Variants in ANKRD55 observed in about 807,000 individuals in gnomAD.
ANKRD55 encodes ankyrin repeat domain 55.
A neutral mutation model predicts 60.6 loss-of-function variants in ANKRD55; 41 were observed. The observed-to-expected ratio is 0.68, with a 90% CI of 0.53 to 0.88. The LOEUF (loss-of-function observed/expected upper bound fraction) is 0.88. Among genes scored for constraint, ANKRD55 ranks in the 40% least tolerant of loss-of-function variants. The probability of loss-of-function intolerance (pLI) is 0.00; values close to 1 mark genes in which losing one functional copy is unlikely to be tolerated. For synonymous variants in ANKRD55, 264 were observed against 290.3 expected (o/e 0.91, Z 0.92); for missense variants, 732 against 767.6 (o/e 0.95, Z 0.55).
chr5:56,127,264 C>T (rs1341546374), intron 7 of ANKRD55, 158 bp from the exon 8 acceptor site: 1 of 981,810 alleles, frequency 1.0e-6, no homozygotes, highest in Non-Finnish European at 1.2e-6. Flanking sequence ...AATAAAAATA[C>T]ACTCTATCTA....
intron 2 of ANKRD55, among the ~76,000 whole-genome samples, chr5:56,186,199 G>A (rs560058246): frequency 1.9e-4 from 29 of 152,222 alleles, no homozygotes; most frequent in Admixed American, 7.8e-4. Flanking sequence ...ACAGGGTCTC[G>A]TTGGGTCACC....
chr5:56,189,343 C>T (rs1759041786), intron 2 of ANKRD55, among the ~76,000 whole-genome samples: 1 of 150,246 alleles, frequency 6.7e-6, no homozygotes, highest in African/African-American at 2.4e-5. Flanking sequence ...GTAAAAGATA[C>T]ATAAAATTTA....
At chr5:56,195,589 G>A (rs773875881) in intron 2 of ANKRD55, among the ~76,000 whole-genome samples, 20 of 152,186 alleles carry the variant, frequency 1.3e-4, no homozygotes, top group Middle Eastern at 3.4e-3. Flanking sequence ...GATTACAGGC[G>A]TGTGCCACCA....
chr5:56,178,061 A>G (rs1758775287), intron 3 of ANKRD55, among the ~76,000 whole-genome samples: 1 of 152,354 alleles, frequency 6.6e-6, no homozygotes, highest in East Asian at 1.9e-4. Context: ...TATAATTCGA[A>G]GTGGAAGGAA....
chr5:56,210,455 A>G (rs1028359588), intron 2 of ANKRD55, among the ~76,000 whole-genome samples: 3 of 149,494 alleles, frequency 2.0e-5, no homozygotes, highest in South Asian at 2.2e-4. Flanking sequence ...CCAGCTACTC[A>G]GGAGGCTGAG....
At chr5:56,115,623 G>A (rs1414373601) in intron 9 of ANKRD55, among the ~76,000 whole-genome samples, 1 of 151,894 alleles carries the variant, frequency 6.6e-6, no homozygotes, top group Admixed American at 6.6e-5. Flanking sequence ...TGCCCAGCCC[G>A]CAGCTGTATT....
chr5:56,183,786 C>T (rs1315622950), intron 2 of ANKRD55, 152 bp from the exon 3 acceptor site: 2 of 949,540 alleles, frequency 2.1e-6, no homozygotes, highest in Non-Finnish European at 3.1e-6. Context: ...CACACTCCCT[C>T]ACCACTTCTG....
chr5:56,114,643 A>C (rs754379691), intron 9 of ANKRD55, among the ~76,000 whole-genome samples: 9 of 152,238 alleles, frequency 5.9e-5, no homozygotes, highest in Non-Finnish European at 1.0e-4. Flanking sequence ...AAAATCACGC[A>C]TGTGTATAAG....
At chr5:56,126,020 G>C (rs1350325056) in intron 8 of ANKRD55, among the ~76,000 whole-genome samples, 2 of 152,116 alleles carry the variant, frequency 1.3e-5, no homozygotes, top group Non-Finnish European at 2.9e-5. Flanking sequence ...TGTAGTTCCA[G>C]CTACTTGGGA....
chr5:56,216,682 C>T (rs772042416), intron 2 of ANKRD55, among the ~76,000 whole-genome samples: 2 of 152,214 alleles, frequency 1.3e-5, no homozygotes, highest in Non-Finnish European at 2.9e-5. Flanking sequence ...CTAGCCGCCA[C>T]ATTTCCTTAA....
chr5:56,111,666 T>A lies in ANKRD55; in HGVS notation c.1082A>T (p.His361Leu). 1.3e-6 allele frequency: 2 copies of A among 1,529,674 alleles called. No individual in the cohort carries two copies. Among genetic ancestry groups the A allele is most frequent in the Non-Finnish European group, 1.7e-6 (2 of 1,144,056 alleles). 94.8% of individuals were successfully genotyped at this position (1,529,674 alleles called of 1,614,324 possible). ...CKNKKEEQRAHQKDPSRDRYR... is the reference protein window; with the variant it reads ...CKNKKEEQRALQKDPSRDRYR... ...TCGGTCCCTGCTGGGATCCTTCTGA[T>A]GGGCTCTCTGCTCTTCTTTCTTGTT... The change falls in exon 10 of 12, where the codon CAT becomes CTT. Residue 361 changes from histidine (H) to leucine (L), a missense_variant. Around this residue, in one of 3 missense-constraint regions of ANKRD55, gnomAD observed 597 missense variants for 607.5 expected, o/e 0.98. Transcript: ENST00000341048.
intron 3 of ANKRD55, among the ~76,000 whole-genome samples, chr5:56,178,499 A>AC (rs1407460610): frequency 3.3e-5 from 5 of 151,394 alleles, no homozygotes; most frequent in South Asian, 2.1e-4. Flanking sequence ...AAAAAAAAAA[A>AC]CCCTCAAAAT....
intron 5 of ANKRD55, among the ~76,000 whole-genome samples, chr5:56,163,250 A>G (rs1342640631): frequency 3.3e-5 from 5 of 152,134 alleles, no homozygotes; most frequent in South Asian, 4.1e-4. Flanking sequence ...CAAGACCACC[A>G]TACAGTGGCT....
intron 2 of ANKRD55, among the ~76,000 whole-genome samples, chr5:56,215,265 T>C (rs1759775919): frequency 6.6e-6 from 1 of 152,198 alleles, no homozygotes; most frequent in Non-Finnish European, 1.5e-5. Context: ...TGGCAATATC[T>C]AGTTCGCATC....
intron 2 of ANKRD55, among the ~76,000 whole-genome samples, chr5:56,187,270 C>T (rs757378677): frequency 1.3e-5 from 2 of 152,206 alleles, no homozygotes; most frequent in Non-Finnish European, 2.9e-5. Flanking sequence ...CAACTTAGCT[C>T]ACACCCGACC....
chr5:56,178,172 T>A (rs1362336484), intron 3 of ANKRD55, among the ~76,000 whole-genome samples: 1 of 151,922 alleles, frequency 6.6e-6, no homozygotes, highest in Non-Finnish European at 1.5e-5. Flanking sequence ...ACCAAATGAT[T>A]ACTGAACAAA....
intron 7 of ANKRD55, among the ~76,000 whole-genome samples, chr5:56,136,450 C>G (rs1757600228): frequency 6.6e-6 from 1 of 152,064 alleles, no homozygotes; most frequent in African/African-American, 2.4e-5. Flanking sequence ...AGAAATAGAC[C>G]CACATAATCA....
At chr5:56,142,983 AG>A (rs1757809461) in intron 7 of ANKRD55, among the ~76,000 whole-genome samples, 1 of 152,198 alleles carries the variant, frequency 6.6e-6, no homozygotes, top group African/African-American at 2.4e-5. Flanking sequence ...TGAAAGTCCC[AG>A]GTGCCCACTT....
intron 9 of ANKRD55, among the ~76,000 whole-genome samples, chr5:56,113,639 A>G (rs1172998291): frequency 6.6e-6 from 1 of 152,198 alleles, no homozygotes; most frequent in Non-Finnish European, 1.5e-5. Context: ...TGCAAAATAA[A>G]TAAAGTGAAA....
Sources: allele counts gnomAD v4.1 joint callset (sites outside exome capture counted in the v4.1 genomes callset), GRCh38; gene constraint gnomAD v4.1.1; regional missense constraint gnomAD v4.1.1; transcripts MANE v1.5; gene names NCBI Gene and HGNC (gene_info 2026-07-23, HGNC 2026-07-21).